Variants in ANGPTL4 observed in about 807,000 individuals in gnomAD.
ANGPTL4 encodes angiopoietin like 4, also known as angiopoietin-related protein 4.
In ANGPTL4, 39 loss-of-function variants were observed where a neutral mutation model predicts 39.2. The observed-to-expected ratio is 1.00, with a 90% CI of 0.77 to 1.30. The LOEUF is 1.30. Ranked by LOEUF, ANGPTL4 falls within the 50% of genes most tolerant of loss-of-function variation. ANGPTL4 has a pLI of 0.00. For missense variants in ANGPTL4, 545 were observed against 549.8 expected (o/e 0.99, Z 0.09); for synonymous variants, 233 against 229.5 (o/e 1.02, Z -0.14).
intron 2 of ANGPTL4, 31 bp from the exon 3 acceptor site, chr19:8,366,171 G>A: frequency 1.2e-6 from 2 of 1,612,282 alleles, no homozygotes; most frequent in South Asian, 1.1e-5. Context: ...GGCCAGGCAG[G>A]ACCTGACACC....
At chr19:8,369,837 T>G (rs1236163085) in intron 4 of ANGPTL4, among the ~76,000 whole-genome samples, 1 of 151,876 alleles carries the variant, frequency 6.6e-6, no homozygotes, top group Non-Finnish European at 1.5e-5. Context: ...ATCATGAGGA[T>G]CACTTGAGCC....
chr19:8,370,592 T>C (rs921855195), intron 4 of ANGPTL4, among the ~76,000 whole-genome samples: 5 of 151,088 alleles, frequency 3.3e-5, no homozygotes, highest in African/African-American at 1.2e-4. Flanking sequence ...TCCAGCTGCT[T>C]GTGGGGCTGA....
intron 1 of ANGPTL4, 139 bp downstream of exon 1, chr19:8,364,778 C>G (rs548018510): frequency 8.3e-5 from 93 of 1,113,898 alleles, no homozygotes; most frequent in Admixed American, 3.3e-4. Flanking sequence ...TGGGCTCCCC[C>G]CTTAGGAAGC....
chr19:8,371,491 C>T lies in ANGPTL4; in HGVS notation c.1008C>T (p.Arg336=). ...FSTWDQDHDL[R]RDKNCAKSLS... ...CTTGGGACCAGGATCACGACCTCCGCAGGGACAAGAACTGCGCCAAGAGCC... is the reference window on the plus strand; with the variant it reads ...CTTGGGACCAGGATCACGACCTCCGTAGGGACAAGAACTGCGCCAAGAGCC... The change falls in exon 6 of 7, where the codon CGC becomes CGT. Residue 336 remains arginine (R), a synonymous_variant. Coordinates refer to ENST00000301455, the MANE Select transcript of ANGPTL4 (RefSeq NM_139314.3). The surrounding 1 kb of genome is among the most constrained non-coding windows in gnomAD (Gnocchi z 5.1). 2 of 1,613,170 alleles carry T rather than the reference C, an allele frequency of 1.2e-6. No individual in the cohort carries two copies. Among genetic ancestry groups the T allele is most frequent in the Non-Finnish European group, 1.7e-6 (2 of 1,180,042 alleles).
Position 8,371,109 on chromosome 19 carries a change from C to T in ANGPTL4, c.715C>T (p.Arg239Trp), listed in dbSNP as rs761889493. The change falls in exon 5 of 7, where the codon CGG becomes TGG. Residue 239 changes from arginine (R) to tryptophan (W), a missense_variant. By Grantham distance (101) the Arg-to-Trp change is moderately radical (BLOSUM62 -3). Transcript: ENST00000301455. This position sits in a 1 kb window ranked among gnomAD's most constrained non-coding sequence, Gnocchi z 5.1. Reference protein sequence around the residue: ...RRHDGSVDFNRPWEAYKAGFG... With the variant: ...RRHDGSVDFNWPWEAYKAGFG... ...CCACGATGGCTCAGTGGACTTCAAC[C>T]GGCCCTGGGAAGCCTACAAGGCGGG... 389 of 1,611,238 alleles carry T rather than the reference C, an allele frequency of 2.4e-4. No homozygotes were observed. The highest frequency in any genetic ancestry group is 3.2e-4 in the Non-Finnish European group (372 of 1,178,802).
intron 3 of ANGPTL4, 26 bp from the exon 4 acceptor site, chr19:8,369,193 C>T: frequency 6.3e-7 from 1 of 1,593,128 alleles, no homozygotes; most frequent in Non-Finnish European, 8.5e-7. Flanking sequence ...CCTCCTGTTT[C>T]AAGTCTCCAC....
In ANGPTL4 at chr19:8,371,295, G is replaced by A; in HGVS notation, c.812G>A (p.Ser271Asn). Residue 271 changes from serine to asparagine, a missense_variant, in exon 6 of 7, where the codon AGC becomes AAC. By Grantham distance (46) the Ser-to-Asn change is conservative. Transcript: ENST00000301455. This position sits in a 1 kb window ranked among gnomAD's most constrained non-coding sequence, Gnocchi z 5.1. The part of the protein sequence containing the change: ...KVHSITGDRN[S>N]RLAVQLRDWD... ...CATAGCATCACGGGGGACCGCAACA[G>A]CCGCCTGGCCGTGCAGCTGCGGGAC... 6.2e-7 allele frequency: 1 copy of A among 1,613,950 alleles called. No homozygotes were observed. The highest frequency in any genetic ancestry group is 8.5e-7 in the Non-Finnish European group (1 of 1,180,032).
chr19:8,367,464 C>T (rs965177336), intron 3 of ANGPTL4, among the ~76,000 whole-genome samples: 2 of 151,908 alleles, frequency 1.3e-5, no homozygotes, highest in African/African-American at 4.8e-5. Flanking sequence ...GGTGGTTTGG[C>T]CGCGTGCCCA....
chr19:8,368,985 CAGG>C (rs1330554593), intron 3 of ANGPTL4, among the ~76,000 whole-genome samples: 3 of 152,282 alleles, frequency 2.0e-5, no homozygotes, highest in Admixed American at 6.5e-5. Flanking sequence ...TACAGCATGG[CAGG>C]AGGAGGATGG....
chr19:8,366,669 A>T (rs541918431), intron 3 of ANGPTL4, among the ~76,000 whole-genome samples: 92 of 152,018 alleles, frequency 6.1e-4, no homozygotes, highest in African/African-American at 1.9e-3. Context: ...GAAGGTTAGA[A>T]CCTTCTAGGG....
chr19:8,369,568 G>A (rs1050533943), intron 4 of ANGPTL4, among the ~76,000 whole-genome samples: 5 of 148,994 alleles, frequency 3.4e-5, no homozygotes, highest in South Asian at 2.1e-4. Flanking sequence ...ATTCTCCAGC[G>A]TCAGCCTCCC....
rs1453770665 is a variant in ANGPTL4 at position 8,369,476 on chromosome 19, T to C, written c.661+144T>C. ...TGGTCTTTTTTTTTTTTTTTTTTTT[T>C]GAGATGGAGTTTTGCTCTTGGAGCT... On this transcript the variant is annotated intron_variant, in intron 4 of 6. Coordinates refer to ENST00000301455, the MANE Select transcript of ANGPTL4 (RefSeq NM_139314.3). The C allele has an allele frequency of 8.0e-6, 4 of 501,748 alleles. No individual in the cohort carries two copies. The East Asian group carries it at 1.5e-4, about 19-fold the overall frequency. The allele number at this position is 501,748 out of a possible 1,614,324, so 31.1% of individuals were successfully genotyped here. A position where few individuals can be genotyped will look rare whatever the true frequency, so the allele number is the denominator to read the frequency against.
chr19:8,373,165 G>A (rs2145487049), intron 6 of ANGPTL4, among the ~76,000 whole-genome samples: 1 of 152,312 alleles, frequency 6.6e-6, no homozygotes, highest in South Asian at 2.1e-4. Context: ...AGCACTTTGG[G>A]AGGCTGAGGA....
Position 8,366,290 on chromosome 19 carries a change from A to G in ANGPTL4, c.518A>G (p.Asp173Gly). 1 of 1,613,662 alleles carries G rather than the reference A, an allele frequency of 6.2e-7. No individual in the cohort carries two copies. The highest frequency in any genetic ancestry group is 8.5e-7 in the Non-Finnish European group (1 of 1,179,934). Residue 173 changes from aspartate (D) to glycine (G), a missense_variant, in exon 3 of 7, where the codon GAC (aspartate) becomes GGC (glycine). By Grantham distance (94) the Asp-to-Gly change is moderately conservative (BLOSUM62 -1). Transcript: ENST00000301455. ...KRLPEMAQPV[D>G]PAHNVSRLHR... is the part of the protein sequence containing the mutation. ...CTGCCCGAGATGGCCCAGCCAGTTG[A>G]CCCGGCTCACAATGTCAGCCGCCTG...
chr19:8,371,192 G>A lies in ANGPTL4; in HGVS notation c.757+41G>A. 5.0e-6 allele frequency: 8 copies of A among 1,614,074 alleles called. No homozygotes were observed. The highest frequency in any genetic ancestry group is 6.8e-6 in the Non-Finnish European group (8 of 1,180,010). Reference sequence around the variant, plus strand: ...GGGGACAGAGGCAGGGGAGGAAGAGGGACCCTCAGAAGTGGCCCTGCCTCA... The same window carrying A: ...GGGGACAGAGGCAGGGGAGGAAGAGAGACCCTCAGAAGTGGCCCTGCCTCA... On this transcript the variant is annotated intron_variant, in intron 5 of 6. Coordinates refer to ENST00000301455, the MANE Select transcript of ANGPTL4 (RefSeq NM_139314.3). The surrounding 1 kb of genome is among the most constrained non-coding windows in gnomAD (Gnocchi z 5.1).
At chr19:8,367,467 C>T (rs1354959104) in intron 3 of ANGPTL4, among the ~76,000 whole-genome samples, 1 of 151,994 alleles carries the variant, frequency 6.6e-6, no homozygotes, top group African/African-American at 2.4e-5. Flanking sequence ...GGTTTGGCCG[C>T]GTGCCCATCC....
chr19:8,364,257 C>T lies in ANGPTL4; in HGVS notation c.-65C>T, dbSNP rs1568213424. ...CCCCCGGTCCTCCGCGTCTCCAGTC[C>T]TCGCACCTGGAACCCCAACGTCCCC... On this transcript the variant is annotated 5_prime_UTR_variant, in exon 1 of 7. Coordinates refer to ENST00000301455, the MANE Select transcript of ANGPTL4 (RefSeq NM_139314.3). The T allele has an allele frequency of 1.1e-5, 16 of 1,485,086 alleles. No homozygotes were observed. The highest frequency in any genetic ancestry group is 1.3e-5 in the Non-Finnish European group (15 of 1,112,328). 92.0% of individuals were successfully genotyped at this position (1,485,086 alleles called of 1,614,324 possible).
intron 4 of ANGPTL4, among the ~76,000 whole-genome samples, chr19:8,369,840 C>G (rs1971079836): frequency 6.6e-6 from 1 of 152,026 alleles, no homozygotes; most frequent in African/African-American, 2.4e-5. Context: ...ATGAGGATCA[C>G]TTGAGCCCAG....
At position 8,366,278 on chromosome 19, in the gene ANGPTL4, C is replaced by T. The variant is rs748459315; in HGVS notation, c.506C>T (p.Ala169Val). Residue 169 changes from alanine (A) to valine (V), a missense_variant, in exon 3 of 7, where the codon GCC (alanine) becomes GTC (valine). Transcript: ENST00000301455. ...CGAAGAAAGAGGCTGCCCGAGATGG[C>T]CCAGCCAGTTGACCCGGCTCACAAT... ...PARRKRLPEMAQPVDPAHNVS... is the reference protein window; with the variant it reads ...PARRKRLPEMVQPVDPAHNVS... The T allele has an allele frequency of 1.2e-6, 2 of 1,614,132 alleles. No homozygotes were observed. The highest frequency in any genetic ancestry group is 2.2e-5 in the East Asian group (1 of 44,882).
Sources: gnomAD v4.1 joint callset for allele counts (sites outside exome capture counted in the v4.1 genomes callset) on GRCh38, gnomAD v4.1.1 for gene constraint, Gnocchi (gnomAD v3.1) non-coding constraint, MANE v1.5 for transcripts, NCBI Gene and HGNC (gene_info 2026-07-23, HGNC 2026-07-21) for gene names.